Variants in DAB1 observed in about 807,000 individuals in gnomAD.
DAB1 encodes DAB adaptor protein 1, also known as disabled homolog 1.
A neutral mutation model predicts 64.6 loss-of-function variants in DAB1; 15 were observed. The observed-to-expected ratio is 0.23, with a 90% CI of 0.16 to 0.36. The LOEUF (loss-of-function observed/expected upper bound fraction) is 0.36. Among genes scored for constraint, DAB1 ranks in the 10% least tolerant of loss-of-function variants. DAB1 has a pLI of 1.00. For synonymous variants in DAB1, 235 were observed against 251.9 expected, an observed-to-expected ratio of 0.93 and a Z score of 0.64; for missense variants, 596 against 706.7, an observed-to-expected ratio of 0.84 and a Z score of 1.78.
At chr1:57,178,277 G>T (rs1021012133) in intron 2 of DAB1, among the ~76,000 whole-genome samples, 4 of 147,994 alleles carry the variant, frequency 2.7e-5, no homozygotes, top group South Asian at 2.1e-4. Context: ...ATAATTGCAA[G>T]CTTATGTACA....
chr1:58,391,970 T>C (rs1644479773), intron 3 of DAB1, among the ~76,000 whole-genome samples: 2 of 152,224 alleles, frequency 1.3e-5, no homozygotes, highest in Non-Finnish European at 2.9e-5. Context: ...GCAGCCATCT[T>C]GAAATACCAG....
At chr1:57,977,932 C>T (rs1342067547) in intron 5 of DAB1, among the ~76,000 whole-genome samples, 1 of 152,112 alleles carries the variant, frequency 6.6e-6, no homozygotes, top group Non-Finnish European at 1.5e-5. Context: ...AACAAATGGA[C>T]AAACCTTCCA....
At chr1:58,247,861 A>G (rs1660622603) in intron 4 of DAB1, among the ~76,000 whole-genome samples, 1 of 143,254 alleles carries the variant, frequency 7.0e-6, no homozygotes, top group Admixed American at 7.3e-5. Context: ...GTATTTGAAG[A>G]CTTAAGCTAT....
intron 1 of DAB1, among the ~76,000 whole-genome samples, chr1:57,335,673 C>G (rs17422855): frequency 6.6e-6 from 1 of 152,086 alleles, no homozygotes; most frequent in African/African-American, 2.4e-5. Context: ...TGGCATACCC[C>G]TGCTCATCTG....
chr1:58,419,455 C>T (rs1321776843), intron 3 of DAB1, among the ~76,000 whole-genome samples: 1 of 152,102 alleles, frequency 6.6e-6, no homozygotes, highest in Admixed American at 6.5e-5. Context: ...TTCCTATTAC[C>T]TCTTAATGAG....
chr1:57,508,418 A>G (rs1644371294), intron 7 of DAB1, among the ~76,000 whole-genome samples: 1 of 152,214 alleles, frequency 6.6e-6, no homozygotes, highest in African/African-American at 2.4e-5. Flanking sequence ...TTCAAATGTC[A>G]CTGCTTCAAG....
intron 5 of DAB1, among the ~76,000 whole-genome samples, chr1:58,001,933 A>G (rs1338723442): frequency 6.6e-6 from 1 of 152,148 alleles, no homozygotes; most frequent in Non-Finnish European, 1.5e-5. Flanking sequence ...TACAGAAAGG[A>G]AAAGGTGGTA....
chr1:57,274,521 A>G (rs543454986), intron 2 of DAB1, among the ~76,000 whole-genome samples: 1 of 152,190 alleles, frequency 6.6e-6, no homozygotes, highest in Non-Finnish European at 1.5e-5. Context: ...CCATATTGTT[A>G]TTGGTTTTTT....
At chr1:58,151,649 C>T (rs909182055) in intron 4 of DAB1, among the ~76,000 whole-genome samples, 6 of 152,294 alleles carry the variant, frequency 3.9e-5, no homozygotes, top group East Asian at 1.9e-4. Flanking sequence ...CTGGCCAGAA[C>T]GCTGCCTTAC....
At chr1:57,704,388 T>C (rs1646941385) in intron 6 of DAB1, among the ~76,000 whole-genome samples, 1 of 152,180 alleles carries the variant, frequency 6.6e-6, no homozygotes, top group African/African-American at 2.4e-5. Flanking sequence ...AGGTAACCCC[T>C]GGCCTCTGAG....
intron 6 of DAB1, among the ~76,000 whole-genome samples, chr1:57,740,556 AG>A (rs772650302): frequency 6.6e-6 from 1 of 152,254 alleles, no homozygotes; most frequent in East Asian, 1.9e-4. Flanking sequence ...CATAATGGTT[AG>A]GAGCAAGGGT....
At chr1:57,758,876 C>T (rs1460629865) in intron 6 of DAB1, among the ~76,000 whole-genome samples, 2 of 152,080 alleles carry the variant, frequency 1.3e-5, no homozygotes, top group African/African-American at 4.8e-5. Context: ...ATTCACAAAA[C>T]ACATTATCCT....
chr1:58,218,282 G>T (rs562428250), intron 4 of DAB1, among the ~76,000 whole-genome samples: 1 of 152,266 alleles, frequency 6.6e-6, no homozygotes, highest in South Asian at 2.1e-4. Context: ...TCCTGGAACT[G>T]GGATGAGGGT....
At chr1:58,346,467 C>T (rs937075904) in intron 3 of DAB1, among the ~76,000 whole-genome samples, 2 of 152,162 alleles carry the variant, frequency 1.3e-5, no homozygotes, top group African/African-American at 4.8e-5. Context: ...GCAGCAGAAC[C>T]ATTTTTTGCA....
At chr1:57,046,218 T>C (rs1648468543) in intron 9 of DAB1, among the ~76,000 whole-genome samples, 1 of 152,194 alleles carries the variant, frequency 6.6e-6, no homozygotes, top group Non-Finnish European at 1.5e-5. Context: ...AAATGATTGT[T>C]AAGCAATGAA....
At chr1:57,914,242 A>G (rs1173919598) in intron 5 of DAB1, among the ~76,000 whole-genome samples, 2 of 152,204 alleles carry the variant, frequency 1.3e-5, no homozygotes, top group African/African-American at 4.8e-5. Context: ...TGGCACATAT[A>G]CACATGGAAT....
intron 6 of DAB1, among the ~76,000 whole-genome samples, chr1:57,800,096 A>G (rs1651054193): frequency 1.3e-5 from 2 of 152,332 alleles, no homozygotes; most frequent in South Asian, 4.1e-4. Context: ...GTTAATACTC[A>G]GGACAACTCT....
At chr1:58,445,459 G>A (rs1388461904) in intron 3 of DAB1, among the ~76,000 whole-genome samples, 3 of 152,248 alleles carry the variant, frequency 2.0e-5, no homozygotes, top group South Asian at 2.1e-4. Context: ...TCCCCACCCT[G>A]CCTAGCAGCA....
intron 1 of DAB1, chr1:58,538,770 T>C (rs755224619): frequency 1.4e-6 from 1 of 728,386 alleles, no homozygotes; most frequent in Admixed American, 2.6e-5. Flanking sequence ...AATATAAAAG[T>C]TTTTATTCTA....
Sources: gnomAD v4.1 joint callset for allele counts (sites outside exome capture counted in the v4.1 genomes callset) on GRCh38, gnomAD v4.1.1 for gene constraint, MANE v1.5 for transcripts, NCBI Gene and HGNC (gene_info 2026-07-23, HGNC 2026-07-21) for gene names.